Variants in DOCK8 observed in about 807,000 individuals in gnomAD.
DOCK8 encodes the protein dedicator of cytokinesis 8, also known as dedicator of cytokinesis protein 8.
Under a neutral mutation model 245.6 loss-of-function variants are expected in DOCK8, and 141 were observed. The ratio of observed to expected loss-of-function variants is 0.57; its 90% CI spans 0.50 to 0.66. The LOEUF is 0.66. Among genes scored for constraint, DOCK8 ranks in the 30% least tolerant of loss-of-function variants. The pLI is 0.00. For missense variants in DOCK8, 2,965 were observed against 2,603.4 expected (o/e 1.14, Z -3.02); for synonymous variants, 1,168 against 970.2 (o/e 1.20, Z -3.79).
chr9:257,474 A>G, intron 1 of DOCK8, among the ~76,000 whole-genome samples: 1 of 152,092 alleles, frequency 6.6e-6, no homozygotes, highest in East Asian at 1.9e-4. Flanking sequence ...CCTGCAACAG[A>G]ATCATCTGGA....
chr9:232,376 GCC>G (rs1407337433), intron 1 of DOCK8, among the ~76,000 whole-genome samples: 1 of 152,108 alleles, frequency 6.6e-6, no homozygotes, highest in Non-Finnish European at 1.5e-5. Context: ...TTGTGTCTCT[GCC>G]AGGCTTTGGT....
chr9:432,902 G>C (rs750610339), intron 37 of DOCK8, among the ~76,000 whole-genome samples: 1 of 152,220 alleles, frequency 6.6e-6, no homozygotes, highest in Non-Finnish European at 1.5e-5. Context: ...TCTCTTCCAT[G>C]TCCATTACGA....
At position 377,230 on chromosome 9, in the gene DOCK8, G is replaced by T. The variant is rs1266146337; in HGVS notation, c.2440+19G>T. 7 of 1,555,310 alleles carry T rather than the reference G, an allele frequency of 4.5e-6. 1 individual carries two copies. The highest frequency in any genetic ancestry group is 2.3e-5 in the South Asian group (2 of 86,620). ...CAGACAGGTATGAACCTGCAGGGCT[G>T]GGCTGGGAGGAGGCAGGAGCAAGCA... On this transcript the variant is annotated intron_variant, in intron 20 of 47. Coordinates refer to ENST00000432829, the MANE Select transcript of DOCK8 (RefSeq NM_203447.4).
chr9:375,362 T>C (rs541871233), intron 18 of DOCK8, among the ~76,000 whole-genome samples: 1 of 152,282 alleles, frequency 6.6e-6, no homozygotes, highest in South Asian at 2.1e-4. Flanking sequence ...TAATGATATA[T>C]AAACGTATAA....
At chr9:316,137 T>A (rs1462988158) in intron 6 of DOCK8, among the ~76,000 whole-genome samples, 1 of 152,220 alleles carries the variant, frequency 6.6e-6, no homozygotes, top group Non-Finnish European at 1.5e-5. Context: ...TTTACTGCTA[T>A]TTGCAAGAAT....
At chr9:362,749 A>G (rs750586) in intron 14 of DOCK8, among the ~76,000 whole-genome samples, 38,866 of 152,138 alleles carry the variant, frequency 0.26, 5,585 homozygotes, top group African/African-American at 0.37. Context: ...AAGGCCATGG[A>G]AGAGCACATT....
At position 301,593 on chromosome 9, in the gene DOCK8, G is replaced by C. The variant is rs536484523; in HGVS notation, c.405-2988G>C. ...TGCAGGCAATATAATTCTGTACCCA[G>C]AAAACACTGCAGACCCTGCTAAAAG... On this transcript the variant is annotated intron_variant, in intron 4 of 47. Coordinates refer to ENST00000432829, the MANE Select transcript of DOCK8 (RefSeq NM_203447.4). Among the ~76,000 whole-genome samples the C allele has an allele frequency of 3.9e-5, 6 of 152,306 alleles. No homozygotes were observed. The East Asian group carries it at 1.2e-3, about 29-fold the overall frequency.
intron 12 of DOCK8, among the ~76,000 whole-genome samples, chr9:337,278 TACTTA>T (rs1329046168): frequency 1.3e-5 from 2 of 152,184 alleles, no homozygotes; most frequent in Non-Finnish European, 2.9e-5. Context: ...GGAACAATAG[TACTTA>T]ACTTCATGTG....
At chr9:393,333 A>T (rs2054292446) in intron 24 of DOCK8, among the ~76,000 whole-genome samples, 1 of 152,102 alleles carries the variant, frequency 6.6e-6, no homozygotes, top group South Asian at 2.1e-4. Context: ...AATAGTTGGC[A>T]TACCAATGGG....
chr9:361,737 A>G (rs765822284), intron 14 of DOCK8, among the ~76,000 whole-genome samples: 5 of 152,166 alleles, frequency 3.3e-5, no homozygotes, highest in Non-Finnish European at 5.9e-5. Context: ...TAGATTTCAT[A>G]TTACTACTTT....
At chr9:264,271 C>G (rs2047986804) in intron 1 of DOCK8, among the ~76,000 whole-genome samples, 1 of 152,218 alleles carries the variant, frequency 6.6e-6, no homozygotes, top group Non-Finnish European at 1.5e-5. Context: ...AGAAATCCTT[C>G]TCTAGTCTTG....
chr9:333,499 G>A (rs1031265390), intron 10 of DOCK8, among the ~76,000 whole-genome samples: 2 of 152,084 alleles, frequency 1.3e-5, no homozygotes, highest in Admixed American at 1.3e-4. Flanking sequence ...TTCTCAGGAG[G>A]CTGAGGCAGG....
Position 420,566 on chromosome 9 carries a change from TTA to T in DOCK8, c.4008_4009del (p.Cys1337PhefsTer2). On this transcript the variant is annotated frameshift_variant, in exon 31 of 48. Transcript: ENST00000432829. LOFTEE classifies it high-confidence loss of function. The part of the protein sequence containing the change: ...RILDLLFICV[L>X]CFEYKGKQSS... ...TTTAGATCTACTTTTCATCTGTGTGTTATGTTTTGAGTATAAGGTAAGTCTGG... is the reference window on the plus strand; with the variant it reads ...TTTAGATCTACTTTTCATCTGTGTGTTGTTTTGAGTATAAGGTAAGTCTGG... 6.2e-7 allele frequency: 1 copy of T among 1,614,176 alleles called. No individual in the cohort carries two copies. Among genetic ancestry groups the T allele is most frequent in the Non-Finnish European group, 8.5e-7 (1 of 1,180,042 alleles).
chr9:333,234 G>A (rs1329358632), intron 10 of DOCK8, among the ~76,000 whole-genome samples: 1 of 152,206 alleles, frequency 6.6e-6, no homozygotes, highest in African/African-American at 2.4e-5. Context: ...CATTAGCACA[G>A]CATAGGTGTT....
At chr9:415,941 G>A (rs967488487) in intron 29 of DOCK8, among the ~76,000 whole-genome samples, 3 of 152,148 alleles carry the variant, frequency 2.0e-5, no homozygotes, top group Non-Finnish European at 4.4e-5. Context: ...TACTATTACG[G>A]TGACAAGTAT....
At chr9:232,471 G>A (rs1337948317) in intron 1 of DOCK8, among the ~76,000 whole-genome samples, 1 of 152,158 alleles carries the variant, frequency 6.6e-6, no homozygotes, top group Non-Finnish European at 1.5e-5. Flanking sequence ...AGAAGGAATG[G>A]TACCAGCTCC....
intron 26 of DOCK8, among the ~76,000 whole-genome samples, chr9:400,043 C>T (rs1287099204): frequency 6.4e-5 from 8 of 124,128 alleles, no homozygotes; most frequent in Admixed American, 1.6e-4. Context: ...ACCACCACCA[C>T]CTCCACCATC....
At chr9:217,927 C>T (rs373974063) in intron 1 of DOCK8, among the ~76,000 whole-genome samples, 38 of 152,010 alleles carry the variant, frequency 2.5e-4, no homozygotes, top group Non-Finnish European at 5.1e-4. Context: ...TTAATTGGGC[C>T]GATTGTTATT....
At chr9:215,423 C>A in intron 1 of DOCK8, 1 of 1,515,854 alleles carries the variant, frequency 6.6e-7, no homozygotes, top group South Asian at 1.3e-5. Context: ...TGAGGCAAGT[C>A]TGAGCGCGGG....
Sources: gnomAD v4.1 joint callset for allele counts (sites outside exome capture counted in the v4.1 genomes callset) on GRCh38, gnomAD v4.1.1 for gene constraint, MANE v1.5 for transcripts, NCBI Gene and HGNC (gene_info 2026-07-23, HGNC 2026-07-21) for gene names.